Variants in THSD4 observed in about 807,000 individuals in gnomAD.
THSD4 encodes the protein thrombospondin type 1 domain containing 4, also known as thrombospondin type-1 domain-containing protein 4.
A neutral mutation model predicts 119.0 loss-of-function variants in THSD4; 69 were observed. That is an observed-to-expected ratio of 0.58 (90% CI 0.48 to 0.71). The LOEUF (loss-of-function observed/expected upper bound fraction) is 0.71, where lower values mean the gene tolerates loss of function less well. THSD4 is among the 30% of genes least tolerant of loss of function. The pLI is 0.00. For missense variants in THSD4, 1,393 were observed against 1,391.1 expected, an observed-to-expected ratio of 1.00 and a Z score of -0.02; for synonymous variants, 524 against 540.4, an observed-to-expected ratio of 0.97 and a Z score of 0.42.
At chr15:71,776,353 A>C (rs916798615) in intron 17 of THSD4, among the ~76,000 whole-genome samples, 4 of 152,230 alleles carry the variant, frequency 2.6e-5, no homozygotes, top group African/African-American at 9.6e-5. Context: ...GATCCATTAG[A>C]TATAAAGAAT....
At chr15:71,519,436 A>G (rs1349221793) in intron 7 of THSD4, among the ~76,000 whole-genome samples, 1 of 151,144 alleles carries the variant, frequency 6.6e-6, no homozygotes, top group East Asian at 2.0e-4. Flanking sequence ...ATCTCGGCTC[A>G]CTGCAGCCTC....
intron 7 of THSD4, among the ~76,000 whole-genome samples, chr15:71,578,590 G>A (rs7168129): frequency 0.02 from 3,047 of 152,096 alleles, 93 homozygotes; most frequent in African/African-American, 0.069. Context: ...ACCTGCCTCA[G>A]CCTCCCAAAG....
chr15:71,382,568 C>T (rs951802543), intron 6 of THSD4, among the ~76,000 whole-genome samples: 3 of 152,106 alleles, frequency 2.0e-5, no homozygotes, highest in East Asian at 3.8e-4. Flanking sequence ...GATAAGACTA[C>T]TCTTCCTTAA....
In THSD4 at chr15:71,293,558, G is replaced by A. The variant is rs145033238; in HGVS notation, c.1015+36843G>A. Among the ~76,000 whole-genome samples, 10 of 152,206 alleles carry A rather than the reference G, an allele frequency of 6.6e-5. No homozygotes were observed. The East Asian group carries it at 1.9e-3, about 29-fold the overall frequency. On this transcript the variant is annotated intron_variant, in intron 6 of 17. Coordinates refer to ENST00000261862, the MANE Select transcript of THSD4 (RefSeq NM_024817.3). ...CATGAACCAGAGCCTCATCTTTCAT[G>A]GTTCCTGTGCCTCCGAGGGCTGGGC...
chr15:71,129,247 C>A (rs1199667121), intron 1 of THSD4, among the ~76,000 whole-genome samples: 1 of 152,174 alleles, frequency 6.6e-6, no homozygotes, highest in African/African-American at 2.4e-5. Context: ...AATGAGCGTG[C>A]AGGTCTTGAG....
intron 6 of THSD4, chr15:71,341,314 A>G (rs1284063642): frequency 1.9e-6 from 3 of 1,603,020 alleles, no homozygotes; most frequent in Admixed American, 1.7e-5. Flanking sequence ...TAATCCGACC[A>G]TGAGCTCTGT....
chr15:71,288,635 G>A (rs1199266277), intron 6 of THSD4, among the ~76,000 whole-genome samples: 1 of 152,138 alleles, frequency 6.6e-6, no homozygotes, highest in African/African-American at 2.4e-5. Flanking sequence ...GAATAGATCC[G>A]GGAAGGCAGA....
intron 7 of THSD4, among the ~76,000 whole-genome samples, chr15:71,611,324 T>C (rs1319726269): frequency 3.3e-5 from 5 of 152,326 alleles, no homozygotes; most frequent in South Asian, 4.1e-4. Context: ...GAGTGTTTCA[T>C]TGGATGTAAA....
chr15:71,702,766 A>G (rs527329890), intron 8 of THSD4, among the ~76,000 whole-genome samples: 5 of 151,838 alleles, frequency 3.3e-5, no homozygotes, highest in Non-Finnish European at 7.4e-5. Flanking sequence ...CTTTCCACAC[A>G]CTCAGGCACC....
intron 6 of THSD4, among the ~76,000 whole-genome samples, chr15:71,359,600 G>C (rs991497032): frequency 1.3e-5 from 2 of 152,190 alleles, no homozygotes; most frequent in Non-Finnish European, 2.9e-5. Flanking sequence ...TTGAGTTCAA[G>C]AGTTTGAGAA....
chr15:71,404,859 TCTTTTCTTTC>T (rs1195389270), intron 6 of THSD4, among the ~76,000 whole-genome samples: 3 of 150,666 alleles, frequency 2.0e-5, no homozygotes, highest in Non-Finnish European at 4.4e-5. Flanking sequence ...TTCTTTTCTT[TCTTTTCTTTC>T]CTTTCTTTTC....
chr15:71,688,176 G>A (rs1355280671), intron 8 of THSD4, among the ~76,000 whole-genome samples: 1 of 152,198 alleles, frequency 6.6e-6, no homozygotes, highest in Admixed American at 6.5e-5. Flanking sequence ...TTTAGCACAT[G>A]ATTTTGATTT....
chr15:71,515,572 C>T (rs910053717), intron 7 of THSD4, among the ~76,000 whole-genome samples: 1 of 152,108 alleles, frequency 6.6e-6, no homozygotes, highest in Non-Finnish European at 1.5e-5. Context: ...TCTACATTGT[C>T]TTTAGTTATG....
At position 71,367,223 on chromosome 15, in the gene THSD4, T is replaced by C. The variant is rs1010250589; in HGVS notation, c.1016-44464T>C. Among the ~76,000 whole-genome samples, 4 of 137,948 alleles carry C rather than the reference T, an allele frequency of 2.9e-5. No individual in the cohort carries two copies. In the South Asian group the frequency reaches 6.7e-4, roughly 23 times the overall value. The allele number at this position is 137,948 out of a possible 152,430, so 90.5% of individuals were successfully genotyped here. A position where few individuals can be genotyped will look rare whatever the true frequency, so the allele number is the denominator to read the frequency against. On this transcript the variant is annotated intron_variant, in intron 6 of 17. Coordinates refer to ENST00000261862, the MANE Select transcript of THSD4 (RefSeq NM_024817.3). ...TTACCTCATGCTAGGCTCTCTTTTT[T>C]TTTTTTATTTTAAAAAAATATTTTA...
chr15:71,258,538 G>A (rs1161313294), intron 6 of THSD4, among the ~76,000 whole-genome samples: 2 of 152,142 alleles, frequency 1.3e-5, no homozygotes, highest in Non-Finnish European at 2.9e-5. Flanking sequence ...AGGGTATACA[G>A]GAACTTTTGT....
intron 6 of THSD4, among the ~76,000 whole-genome samples, chr15:71,291,652 C>T (rs879290049): frequency 1.3e-5 from 2 of 152,178 alleles, no homozygotes; most frequent in African/African-American, 4.8e-5. Context: ...CAATGTTAAT[C>T]TTGTCCAGAA....
chr15:71,673,341 C>T (rs1452763997), intron 8 of THSD4, among the ~76,000 whole-genome samples: 12 of 151,798 alleles, frequency 7.9e-5, no homozygotes, highest in Admixed American at 5.3e-4. Context: ...GATATCCCCT[C>T]TATCATTTTT....
At position 71,771,902 on chromosome 15, in the gene THSD4, G is replaced by A. The variant is rs114720412; in HGVS notation, c.2914+694G>A. Among the ~76,000 whole-genome samples, 1,196 of 152,266 alleles carry A rather than the reference G, an allele frequency of 7.9e-3. 21 individuals carry two copies. The highest frequency in any genetic ancestry group is 0.027 in the African/African-American group (1,129 of 41,538). The stretch of plus-strand genomic sequence containing the variant: ...ATGAGGAAGGGGCCCATCCCAGCAG[G>A]GGAGCTCAAGTACAGCCAGAAAACC... On this transcript the variant is annotated intron_variant, in intron 17 of 17. Coordinates refer to ENST00000261862, the MANE Select transcript of THSD4 (RefSeq NM_024817.3).
At chr15:71,438,637 C>G (rs2047047809) in intron 7 of THSD4, among the ~76,000 whole-genome samples, 1 of 152,144 alleles carries the variant, frequency 6.6e-6, no homozygotes, top group Non-Finnish European at 1.5e-5. Context: ...CCACCTTGCC[C>G]CCACTATTTT....
Sources: allele counts gnomAD v4.1 joint callset (sites outside exome capture counted in the v4.1 genomes callset), GRCh38; gene constraint gnomAD v4.1.1; transcripts MANE v1.5; gene names NCBI Gene and HGNC (gene_info 2026-07-23, HGNC 2026-07-21).